Variants in PMFBP1 observed in about 807,000 individuals in gnomAD.
PMFBP1 encodes the protein polyamine modulated factor 1 binding protein 1.
A neutral mutation model predicts 137.8 loss-of-function variants in PMFBP1; 131 were observed. That is an observed-to-expected ratio of 0.95 (90% CI 0.82 to 1.10). PMFBP1 has a LOEUF of 1.10. PMFBP1 is among the 50% of genes least tolerant of loss of function. The pLI is 0.00. For missense variants in PMFBP1, 1,199 were observed against 1,175.4 expected, an observed-to-expected ratio of 1.02 and a Z score of -0.29; for synonymous variants, 490 against 450.4, an observed-to-expected ratio of 1.09 and a Z score of -1.11.
the PMFBP1 span, among the ~76,000 whole-genome samples, chr16:72,247,568 G>T: frequency 6.6e-6 from 1 of 152,178 alleles, no homozygotes; most frequent in South Asian, 2.1e-4. Flanking sequence ...ATTATCTTGA[G>T]GGTGAAATAG....
chr16:72,196,385 G>A, the PMFBP1 span, among the ~76,000 whole-genome samples: 2 of 152,110 alleles, frequency 1.3e-5, no homozygotes, highest in African/African-American at 4.8e-5. Flanking sequence ...CACTTCTCTG[G>A]CCAGGTTTTT....
chr16:72,197,193 A>C, the PMFBP1 span, among the ~76,000 whole-genome samples: 1 of 152,166 alleles, frequency 6.6e-6, no homozygotes, highest in Non-Finnish European at 1.5e-5. Flanking sequence ...ACCATCTGTG[A>C]GTCATGGGAT....
chr16:72,219,665 A>C, the PMFBP1 span, among the ~76,000 whole-genome samples: 3 of 152,206 alleles, frequency 2.0e-5, no homozygotes, highest in African/African-American at 7.2e-5. Flanking sequence ...TGGGACACCC[A>C]GATGGTATGA....
At chr16:72,239,279 A>G in the PMFBP1 span, among the ~76,000 whole-genome samples, 1 of 152,162 alleles carries the variant, frequency 6.6e-6, no homozygotes, top group East Asian at 1.9e-4. Flanking sequence ...GAAGACTATG[A>G]AAGGCCATTT....
At chr16:72,205,045 T>C in the PMFBP1 span, among the ~76,000 whole-genome samples, 3 of 152,152 alleles carry the variant, frequency 2.0e-5, no homozygotes, top group Non-Finnish European at 4.4e-5. Flanking sequence ...CATTCTGCCA[T>C]GGACAGGATG....
chr16:72,188,562 C>T, the PMFBP1 span, among the ~76,000 whole-genome samples: 4 of 152,182 alleles, frequency 2.6e-5, no homozygotes, highest in Admixed American at 2.0e-4. Context: ...ATATGAAGCT[C>T]ATAAAGTACA....
At position 72,145,686 on chromosome 16, in the gene PMFBP1, G is replaced by C. The variant is rs1022658262; in HGVS notation, c.636+4922C>G. Among the ~76,000 whole-genome samples the C allele has an allele frequency of 3.9e-5, 6 of 152,278 alleles. No individual in the cohort carries two copies. In the East Asian group the frequency reaches 1.2e-3, roughly 29 times the overall value. On this transcript the variant is annotated intron_variant, in intron 5 of 20. Transcript: ENST00000237353. ...GAATCAAATAGATGCAATAAAAAAT[G>C]ATAAGGGGGACATCACCACTGATTC...
At position 72,123,580 on chromosome 16, in the gene PMFBP1, T is replaced by C. The variant is rs1374493503; in HGVS notation, c.2659A>G (p.Met887Val). The change falls in exon 18 of 21, where the codon ATG (methionine) becomes GTG (valine). Residue 887 changes from methionine (M) to valine (V), a missense_variant. Met to Val is a conservative substitution (Grantham distance 21, BLOSUM62 1). Coordinates refer to ENST00000237353, the MANE Select transcript of PMFBP1 (RefSeq NM_031293.3). ...TTTGCCCATTGCTCCAAGTTGGTCA[T>C]AATCTGATCATTCCCTCGGTAGAGC... Reference protein sequence around the residue: ...CRLYRGNDQIMTNLEQWAKQQ... With the variant: ...CRLYRGNDQIVTNLEQWAKQQ... 1 of 1,614,062 alleles carries C rather than the reference T, an allele frequency of 6.2e-7. No individual in the cohort carries two copies. The highest frequency in any genetic ancestry group is 8.5e-7 in the Non-Finnish European group (1 of 1,180,004).
rs747317600 is a variant in PMFBP1 at position 72,119,972 on chromosome 16, C to G, written c.2886G>C (p.Pro962=). The G allele has an allele frequency of 2.5e-6, 4 of 1,614,186 alleles. No homozygotes were observed. Among genetic ancestry groups the G allele is most frequent in the Non-Finnish European group, 3.4e-6 (4 of 1,180,038 alleles). The change falls in exon 20 of 21, where the codon CCG becomes CCC. Residue 962 remains proline (P), a synonymous_variant. Coordinates refer to ENST00000237353, the MANE Select transcript of PMFBP1 (RefSeq NM_031293.3). ...NTRLCTKALG[P]SRTESTQREK... ...CCCTCTGTGTGGACTCCGTTCTGCT[C>G]GGGCCTAGGGCTTTGGTGCATAGCC...
rs552219175 is a variant in PMFBP1 at position 72,168,038 on chromosome 16, A to G, written c.13-3122T>C. 3.3e-5 allele frequency among the ~76,000 whole-genome samples: 5 copies of G among 152,246 alleles called. No homozygotes were observed. In the South Asian group the frequency reaches 8.3e-4, roughly 25 times the overall value. On this transcript the variant is annotated intron_variant, in intron 2 of 20. Transcript: ENST00000237353. ...CAGAATTGGATCTTCAATACAGATG[A>G]TCTCATCTAATTTGTACATTTAGCA...
At chr16:72,239,688 T>A in the PMFBP1 span, among the ~76,000 whole-genome samples, 3 of 151,766 alleles carry the variant, frequency 2.0e-5, no homozygotes, top group Non-Finnish European at 2.9e-5. Context: ...GGTCAGGAGA[T>A]CGAGACCATC....
upstream of PMFBP1, among the ~76,000 whole-genome samples, chr16:72,180,868 G>C (rs1256959787): frequency 6.6e-6 from 1 of 152,182 alleles, no homozygotes; most frequent in East Asian, 1.9e-4. Flanking sequence ...CCTTCAAAGG[G>C]AATGTCTGTC....
At chr16:72,140,022 G>A (rs537449000) in intron 6 of PMFBP1, among the ~76,000 whole-genome samples, 1 of 152,242 alleles carries the variant, frequency 6.6e-6, no homozygotes, top group South Asian at 2.1e-4. Context: ...ACTATACATG[G>A]AATTCTGCAA....
At chr16:72,137,505 C>T (rs1457940980) in intron 7 of PMFBP1, among the ~76,000 whole-genome samples, 2 of 152,130 alleles carry the variant, frequency 1.3e-5, no homozygotes, top group African/African-American at 2.4e-5. Context: ...GGCCTCCCTG[C>T]GAAGGTGGCC....
At chr16:72,125,782 C>T (rs2042446452) in intron 15 of PMFBP1, among the ~76,000 whole-genome samples, 186 bp downstream of exon 15, 1 of 152,206 alleles carries the variant, frequency 6.6e-6, no homozygotes, top group Non-Finnish European at 1.5e-5. Flanking sequence ...CCTCCGCCCT[C>T]CACCCAACTC....
chr16:72,131,665 A>G, intron 10 of PMFBP1, among the ~76,000 whole-genome samples: 1 of 152,086 alleles, frequency 6.6e-6, no homozygotes, highest in East Asian at 1.9e-4. Context: ...AAAGAGAACA[A>G]TGGGGAGGTT....
chr16:72,139,450 G>T, intron 6 of PMFBP1, 51 bp from the exon 7 acceptor site: 1 of 1,328,772 alleles, frequency 7.5e-7, no homozygotes, highest in Non-Finnish European at 1.1e-6. Flanking sequence ...GAACGTGCTT[G>T]TTACCATGAC....
chr16:72,243,999 T>C, the PMFBP1 span, among the ~76,000 whole-genome samples: 1 of 152,202 alleles, frequency 6.6e-6, no homozygotes, highest in Admixed American at 6.5e-5. Flanking sequence ...TCAGTGTTTA[T>C]AGAATAGTGG....
intron 4 of PMFBP1, among the ~76,000 whole-genome samples, chr16:72,152,716 G>A (rs1251037547): frequency 2.0e-5 from 3 of 151,946 alleles, no homozygotes; most frequent in Non-Finnish European, 4.4e-5. Flanking sequence ...GTGGTGGTGC[G>A]TGCCTGTAAT....
Sources: gnomAD v4.1 joint callset for allele counts (sites outside exome capture counted in the v4.1 genomes callset) on GRCh38, gnomAD v4.1.1 for gene constraint, MANE v1.5 for transcripts, NCBI Gene and HGNC (gene_info 2026-07-23, HGNC 2026-07-21) for gene names.